The following SAMD12 variants were observed in gnomAD, a reference collection of about 807,000 sequenced individuals.
SAMD12 encodes the protein sterile alpha motif domain containing 12, also known as sterile alpha motif domain-containing protein 12.
SAMD12 carries 9 observed loss-of-function variants against 15.0 expected under a neutral mutation model. The observed-to-expected ratio is 0.60, with a 90% confidence interval of 0.36 to 1.05. The LOEUF (loss-of-function observed/expected upper bound fraction) is 1.05. SAMD12 is among the 50% of genes least tolerant of loss of function. SAMD12 has a pLI of 0.01. For synonymous variants in SAMD12, 86 were observed against 90.1 expected, an observed-to-expected ratio of 0.96 and a Z score of 0.25; for missense variants, 230 against 234.2, an observed-to-expected ratio of 0.98 and a Z score of 0.12.
chr8:118,469,499 A>AT (rs377076278), intron 2 of SAMD12, among the ~76,000 whole-genome samples: 1 of 16,494 alleles, frequency 6.1e-5, no homozygotes, highest in African/African-American at 1.2e-4. Flanking sequence ...TTATATATAT[A>AT]TTTTTATATA....
intron 3 of SAMD12, among the ~76,000 whole-genome samples, chr8:118,425,206 G>A (rs1822192345): frequency 6.6e-6 from 1 of 152,124 alleles, no homozygotes; most frequent in African/African-American, 2.4e-5. Flanking sequence ...CCAAAGTGCT[G>A]GGATTACAGG....
At chr8:118,564,830 C>T (rs1826804903) in intron 2 of SAMD12, among the ~76,000 whole-genome samples, 1 of 152,226 alleles carries the variant, frequency 6.6e-6, no homozygotes, top group African/African-American at 2.4e-5. Flanking sequence ...AGCTTCTGAA[C>T]AGCTATCTTC....
intron 4 of SAMD12, among the ~76,000 whole-genome samples, chr8:118,339,478 A>C (rs1348101993): frequency 6.6e-6 from 1 of 152,224 alleles, no homozygotes; most frequent in Non-Finnish European, 1.5e-5. Context: ...GGCTGATTAC[A>C]ATCAGGGCCT....
intron 4 of SAMD12, among the ~76,000 whole-genome samples, chr8:118,312,740 G>A (rs1815694068): frequency 6.6e-6 from 1 of 152,122 alleles, no homozygotes; most frequent in African/African-American, 2.4e-5. Context: ...TATCTAAAGT[G>A]TGCAATTGAG....
downstream of SAMD12, among the ~76,000 whole-genome samples, chr8:118,375,438 G>T (rs533013816): frequency 6.6e-6 from 1 of 152,102 alleles, no homozygotes; most frequent in South Asian, 2.1e-4. Context: ...TAAGTTGTAT[G>T]TTATGTGAAT....
chr8:118,457,574 G>A (rs1324139020), intron 2 of SAMD12, among the ~76,000 whole-genome samples: 1 of 152,088 alleles, frequency 6.6e-6, no homozygotes, highest in African/African-American at 2.4e-5. Flanking sequence ...TACTTAACAA[G>A]CCAGACTGGT....
At position 118,447,365 on chromosome 8, in the gene SAMD12, C is replaced by T. The variant is rs142530527; in HGVS notation, c.193-7404G>A. Among the ~76,000 whole-genome samples, 929 of 151,786 alleles carry T rather than the reference C, an allele frequency of 6.1e-3. 8 individuals are homozygous for T. The highest frequency in any genetic ancestry group is 0.018 in the African/African-American group (759 of 41,360). ...TCACCCAGGCTGGAGTGCAATGGCGCGATTTCAGCTCACTGCAACCTCTTC... is the reference window on the plus strand; with the variant it reads ...TCACCCAGGCTGGAGTGCAATGGCGTGATTTCAGCTCACTGCAACCTCTTC... On this transcript the variant is annotated intron_variant, in intron 2 of 3. Transcript: ENST00000314727.
chr8:118,581,544 A>T (rs1192315108), intron 1 of SAMD12, among the ~76,000 whole-genome samples: 4 of 152,222 alleles, frequency 2.6e-5, no homozygotes, highest in African/African-American at 7.2e-5. Flanking sequence ...GCTCAAGGGC[A>T]TCAAGCCCAG....
rs183254715 is a variant in SAMD12 at position 118,370,332 on chromosome 8, G to A, written c.433+9228C>T. Among the ~76,000 whole-genome samples, 292 of 152,262 alleles carry A rather than the reference G, an allele frequency of 1.9e-3. 1 individual carries two copies. The highest frequency in any genetic ancestry group is 6.8e-3 in the African/African-American group (284 of 41,530). On this transcript the variant is annotated intron_variant, in intron 4 of 4. Coordinates refer to the SAMD12 transcript ENST00000409003. ...GAGACAGGAATGCTTTTACACTGTT[G>A]GTGGGAATGCAAATTAGTTGAACCA...
At chr8:118,265,685 T>C (rs1359742820) in intron 4 of SAMD12, among the ~76,000 whole-genome samples, 1 of 151,764 alleles carries the variant, frequency 6.6e-6, no homozygotes, top group Non-Finnish European at 1.5e-5. Flanking sequence ...GTATGATAAA[T>C]AATAGGGATC....
chr8:118,574,277 C>G (rs1471269262), intron 2 of SAMD12, among the ~76,000 whole-genome samples: 2 of 152,232 alleles, frequency 1.3e-5, no homozygotes, highest in East Asian at 3.8e-4. Context: ...ACACCGCCCT[C>G]CTTTTACATT....
At chr8:118,558,527 T>C (rs1016627873) in intron 2 of SAMD12, among the ~76,000 whole-genome samples, 4 of 152,108 alleles carry the variant, frequency 2.6e-5, no homozygotes, top group African/African-American at 9.7e-5. Context: ...TCTGAGACAG[T>C]GACACTGAGC....
the SAMD12 span, among the ~76,000 whole-genome samples, chr8:118,141,687 AC>A: frequency 6.6e-6 from 1 of 152,344 alleles, no homozygotes; most frequent in East Asian, 1.9e-4. Flanking sequence ...GTTAGTTCTG[AC>A]TCAGTGAGTA....
At chr8:118,564,477 C>A (rs1296062480) in intron 2 of SAMD12, among the ~76,000 whole-genome samples, 2 of 152,180 alleles carry the variant, frequency 1.3e-5, no homozygotes, top group East Asian at 3.9e-4. Context: ...GAGAAAAGTT[C>A]TAAAATCTTC....
intron 2 of SAMD12, among the ~76,000 whole-genome samples, chr8:118,543,632 T>TTTTTTTTC (rs1826046095): frequency 9.7e-6 from 1 of 103,592 alleles, no homozygotes; most frequent in Non-Finnish European, 1.8e-5. Flanking sequence ...TCTTTCTTTC[T>TTTTTTTTC]TTTTTTTTTT....
intron 2 of SAMD12, among the ~76,000 whole-genome samples, chr8:118,554,424 A>C (rs900971008): frequency 2.0e-5 from 3 of 151,842 alleles, no homozygotes; most frequent in East Asian, 1.9e-4. Context: ...TCAGTAAACT[A>C]TCGCAAGAAC....
chr8:118,404,473 G>C (rs1821029979), intron 3 of SAMD12, among the ~76,000 whole-genome samples: 2 of 152,214 alleles, frequency 1.3e-5, no homozygotes, highest in African/African-American at 4.8e-5. Flanking sequence ...ATAGGTGGTT[G>C]AAATAGTCTG....
intron 4 of SAMD12, among the ~76,000 whole-genome samples, chr8:118,280,459 C>A (rs1813593793): frequency 6.6e-6 from 1 of 152,212 alleles, no homozygotes; most frequent in Non-Finnish European, 1.5e-5. Flanking sequence ...ATCACTGATG[C>A]CTCCAGGGAG....
intron 2 of SAMD12, among the ~76,000 whole-genome samples, chr8:118,515,890 C>T (rs1244884426): frequency 6.6e-6 from 1 of 152,246 alleles, no homozygotes; most frequent in Non-Finnish European, 1.5e-5. Context: ...CCAGCCCTCT[C>T]TGCAGCCTTC....
Sources: allele counts gnomAD v4.1 joint callset (sites outside exome capture counted in the v4.1 genomes callset), GRCh38; gene constraint gnomAD v4.1.1; transcripts MANE v1.5; gene names NCBI Gene and HGNC (gene_info 2026-07-23, HGNC 2026-07-21).